Variants in DDX11 observed in about 807,000 individuals in gnomAD.
The protein encoded by DDX11 is DEAD/H-box helicase 11.
Under a neutral mutation model 125.2 loss-of-function variants are expected in DDX11, and 72 were observed. That is an observed-to-expected ratio of 0.58 (90% CI 0.48 to 0.70). The LOEUF (loss-of-function observed/expected upper bound fraction) is 0.70. DDX11 is among the 30% of genes least tolerant of loss of function. The pLI, the probability that DDX11 is intolerant of heterozygous loss-of-function variation, is 0.00. For synonymous variants in DDX11, 347 were observed against 452.6 expected, an observed-to-expected ratio of 0.77 and a Z score of 2.96; for missense variants, 883 against 1,165.0, an observed-to-expected ratio of 0.76 and a Z score of 3.52.
Position 31,096,664 on chromosome 12 carries a change from G to A in DDX11, c.1549G>A (p.Ala517Thr), listed in dbSNP as rs1465757651. 1 of 1,613,910 alleles carries A rather than the reference G, an allele frequency of 6.2e-7. No homozygotes were observed. The highest frequency in any genetic ancestry group is 8.5e-7 in the Non-Finnish European group (1 of 1,179,958). ...CTTTGGATTCACTGAACGGTACGGAGCAGTGTTCTCATCCCGGGAGCAGCC... is the reference window on the plus strand; with the variant it reads ...CTTTGGATTCACTGAACGGTACGGAACAGTGTTCTCATCCCGGGAGCAGCC... ...KLFGFTERYGAVFSSREQPKL... is the reference protein window; with the variant it reads ...KLFGFTERYGTVFSSREQPKL... Residue 517 changes from alanine to threonine, a missense_variant, in exon 16 of 27, where the codon GCA (alanine) becomes ACA (threonine). Coordinates refer to ENST00000542838, the MANE Select transcript of DDX11 (RefSeq NM_030653.4).
At chr12:31,094,910 G>A in intron 14 of DDX11, 88 bp downstream of exon 14, 1 of 1,451,484 alleles carries the variant, frequency 6.9e-7, no homozygotes, top group Non-Finnish European at 9.7e-7. Context: ...ACTGTAGAAG[G>A]AAGAAAAAGC....
chr12:31,096,618 T>G lies in DDX11; in HGVS notation c.1522-19T>G, dbSNP rs774170602. The G allele has an allele frequency of 6.2e-7, 1 of 1,612,422 alleles. No homozygotes were observed. The highest frequency in any genetic ancestry group is 1.1e-5 in the South Asian group (1 of 90,942). ...GCTGTACCTCGTTCCTCTCCACTGC[T>G]CTCTCTCATCCCACCCAGCTCTTTG... On this transcript the variant is annotated intron_variant, in intron 15 of 26. Coordinates refer to ENST00000542838, the MANE Select transcript of DDX11 (RefSeq NM_030653.4).
chr12:31,099,840 A>G (rs1377270654), intron 18 of DDX11, among the ~76,000 whole-genome samples: 2 of 151,920 alleles, frequency 1.3e-5, no homozygotes, highest in African/African-American at 2.4e-5. Context: ...TTTCCAGCCC[A>G]TTCCCCACCC....
intron 9 of DDX11, chr12:31,091,033 A>G (rs1474156910): frequency 1.3e-5 from 2 of 152,270 alleles, no homozygotes; most frequent in Non-Finnish European, 2.9e-5. Context: ...TTTTATGTTA[A>G]TAGTATTCCA....
At chr12:31,076,366 C>G (rs928162587) in intron 1 of DDX11, among the ~76,000 whole-genome samples, 1 of 152,146 alleles carries the variant, frequency 6.6e-6, no homozygotes, top group African/African-American at 2.4e-5. Flanking sequence ...TCTTGAAGTC[C>G]GAGCTGCCTT....
chr12:31,083,275 C>G (rs1478750144), intron 2 of DDX11, among the ~76,000 whole-genome samples: 1 of 147,296 alleles, frequency 6.8e-6, no homozygotes, highest in East Asian at 2.0e-4. Context: ...CTCTCAAAAA[C>G]AGACAGAGTG....
intron 14 of DDX11, among the ~76,000 whole-genome samples, chr12:31,095,734 C>T (rs1191016378): frequency 6.6e-6 from 1 of 152,214 alleles, no homozygotes; most frequent in Non-Finnish European, 1.5e-5. Context: ...GACATGGGTG[C>T]AGGCACTCCT....
chr12:31,102,348 G>A, intron 22 of DDX11, 37 bp downstream of exon 22: 1 of 1,610,378 alleles, frequency 6.2e-7, no homozygotes, highest in Non-Finnish European at 8.5e-7. Context: ...CTGAGATCGT[G>A]TGGGGGTGGC....
At position 31,103,272 on chromosome 12, in the gene DDX11, T is replaced by G. The variant is rs762793652; in HGVS notation, c.2458-45T>G. 28 of 1,596,572 alleles carry G rather than the reference T, an allele frequency of 1.8e-5. No homozygotes were observed. In the African/African-American group the frequency reaches 3.6e-4, roughly 21 times the overall value. ...GGCAGGGTCTTTTCCCAGGGGGAGC[T>G]GCAGGCAGGGAACAGTCCTGATGGG... On this transcript the variant is annotated intron_variant, in intron 24 of 26. Coordinates refer to ENST00000542838, the MANE Select transcript of DDX11 (RefSeq NM_030653.4).
intron 12 of DDX11, 166 bp from the exon 13 acceptor site, chr12:31,094,424 C>T (rs1027225599): frequency 7.2e-6 from 9 of 1,257,576 alleles, no homozygotes; most frequent in Admixed American, 2.1e-5. Flanking sequence ...ACCCACCTGC[C>T]CTCTCAGTGG....
In DDX11 at chr12:31,100,641, G is replaced by A. The variant is rs1193887176; in HGVS notation, c.1882G>A (p.Asp628Asn). ...IAGGTMQPVS[D>N]FRQQLLACAG... ...CTGTGGCCTTGGTCTACAGGTGTCT[G>A]ACTTCCGGCAGCAGCTGCTGGCCTG... Residue 628 changes from aspartate (D) to asparagine (N), a missense_variant, in exon 19 of 27, where the codon GAC (aspartate) becomes AAC (asparagine). Asp to Asn is a conservative substitution (Grantham distance 23). Around this residue, in one of 5 missense-constraint regions of DDX11, gnomAD observed 241 missense variants for 279.7 expected, o/e 0.86. Transcript: ENST00000542838. 1 of 1,552,600 alleles carries A rather than the reference G, an allele frequency of 6.4e-7. No individual in the cohort carries two copies. Among genetic ancestry groups the A allele is most frequent in the East Asian group, 2.4e-5 (1 of 41,056 alleles).
At chr12:31,092,556 A>G (rs1944420101) in intron 10 of DDX11, among the ~76,000 whole-genome samples, 2 of 105,514 alleles carry the variant, frequency 1.9e-5, no homozygotes, top group South Asian at 6.3e-4. Context: ...TCTTTTCCCA[A>G]CCCGGTGGAA....
At chr12:31,095,248 G>A (rs1266123369) in intron 14 of DDX11, among the ~76,000 whole-genome samples, 8 of 152,300 alleles carry the variant, frequency 5.3e-5, no homozygotes, top group East Asian at 1.9e-4. Flanking sequence ...GATGAAACAC[G>A]GCCACTGCCG....
chr12:31,093,004 G>A (rs1203642328), intron 11 of DDX11, 112 bp downstream of exon 11: 6 of 1,302,574 alleles, frequency 4.6e-6, no homozygotes, highest in Non-Finnish European at 6.6e-6. Flanking sequence ...CTGTGGCGGG[G>A]TGGAGCTGCA....
intron 14 of DDX11, 116 bp from the exon 15 acceptor site, chr12:31,096,225 A>T (rs1455566682): frequency 1.5e-6 from 2 of 1,304,616 alleles, no homozygotes; most frequent in African/African-American, 3.1e-5. Flanking sequence ...GGTGCCTCAG[A>T]AGGTAGCACT....
At chr12:31,097,816 C>T (rs1945581109) in intron 17 of DDX11, 69 bp from the exon 18 acceptor site, 1 of 897,144 alleles carries the variant, frequency 1.1e-6, no homozygotes, top group Non-Finnish European at 1.8e-6. Flanking sequence ...ACCTGGGGGA[C>T]CCCCTTTGCT....
chr12:31,093,007 G>T (rs146003327), intron 11 of DDX11, 115 bp downstream of exon 11: 31,807 of 1,252,922 alleles, frequency 0.025, 2,275 homozygotes, highest in East Asian at 0.22. Flanking sequence ...TGGCGGGGTG[G>T]AGCTGCATGC....
chr12:31,101,603 T>C, intron 20 of DDX11: 1 of 590,518 alleles, frequency 1.7e-6, no homozygotes, highest in Non-Finnish European at 3.0e-6. Context: ...ACGCTAGTGC[T>C]GTGACATGTG....
At chr12:31,100,989 G>C in intron 19 of DDX11, 38 bp from the exon 20 acceptor site, 1 of 1,554,976 alleles carries the variant, frequency 6.4e-7, no homozygotes, top group Non-Finnish European at 8.9e-7. Flanking sequence ...CAGCACACCT[G>C]CATCTCCAGT....
Sources: gnomAD v4.1 joint callset for allele counts (sites outside exome capture counted in the v4.1 genomes callset) on GRCh38, gnomAD v4.1.1 for gene constraint, gnomAD v4.1.1 regional missense constraint, MANE v1.5 for transcripts, NCBI Gene and HGNC (gene_info 2026-07-23, HGNC 2026-07-21) for gene names.